The following PPP2R2B variants were observed in gnomAD, a reference collection of about 807,000 sequenced individuals.
PPP2R2B encodes protein phosphatase 2 regulatory subunit Bbeta, also known as serine/threonine-protein phosphatase 2A 55 kDa regulatory subunit B beta isoform.
A neutral mutation model predicts 46.0 loss-of-function variants in PPP2R2B; 5 were observed. That is an observed-to-expected ratio of 0.11 (90% CI 0.06 to 0.23). PPP2R2B has a LOEUF of 0.23. Ranked by LOEUF, PPP2R2B falls within the 10% of genes least tolerant of loss-of-function variation. The pLI, the probability that PPP2R2B is intolerant of heterozygous loss-of-function variation, is 1.00. For synonymous variants in PPP2R2B, 215 were observed against 206.7 expected (o/e 1.04, Z -0.34); for missense variants, 367 against 575.0 (o/e 0.64, Z 3.70).
At chr5:147,037,089 C>T (rs1471850003) in intron 1 of PPP2R2B, among the ~76,000 whole-genome samples, 2 of 152,036 alleles carry the variant, frequency 1.3e-5, no homozygotes, top group Non-Finnish European at 2.9e-5. Flanking sequence ...GCACAGGGAA[C>T]CCAGGCAGTC....
At chr5:146,799,287 CAGAA>C (rs1756721749) in intron 2 of PPP2R2B, among the ~76,000 whole-genome samples, 1 of 152,150 alleles carries the variant, frequency 6.6e-6, no homozygotes, top group Middle Eastern at 3.2e-3. Flanking sequence ...AACAGAAAGA[CAGAA>C]AGAGAATGAA....
intron 7 of PPP2R2B, among the ~76,000 whole-genome samples, chr5:146,601,111 A>G (rs926234877): frequency 5.3e-5 from 8 of 152,330 alleles, no homozygotes; most frequent in Non-Finnish European, 7.4e-5. Flanking sequence ...CGTAGCATGT[A>G]TCAGGTCTTC....
chr5:146,734,053 T>A (rs1752392636), intron 2 of PPP2R2B, among the ~76,000 whole-genome samples: 1 of 139,596 alleles, frequency 7.2e-6, no homozygotes, highest in Non-Finnish European at 1.5e-5. Context: ...TAAAATGAGT[T>A]AGGTTTTTTT....
chr5:146,943,406 C>T (rs1175771879), intron 1 of PPP2R2B, among the ~76,000 whole-genome samples: 2 of 152,148 alleles, frequency 1.3e-5, no homozygotes, highest in Non-Finnish European at 2.9e-5. Context: ...ATAAGCAGTA[C>T]TTTTAGCTTC....
intron 1 of PPP2R2B, among the ~76,000 whole-genome samples, chr5:147,000,707 A>G (rs1260220264): frequency 6.6e-6 from 1 of 151,524 alleles, no homozygotes; most frequent in East Asian, 2.0e-4. Flanking sequence ...CACCAACCTA[A>G]TACTTACTGA....
chr5:146,834,583 G>C (rs1298990937), intron 2 of PPP2R2B, among the ~76,000 whole-genome samples: 1 of 152,188 alleles, frequency 6.6e-6, no homozygotes. Context: ...CATATGAAAA[G>C]TCATACATCT....
At chr5:146,604,393 G>C (rs1581694426) in intron 7 of PPP2R2B, among the ~76,000 whole-genome samples, 2 of 152,176 alleles carry the variant, frequency 1.3e-5, no homozygotes, top group East Asian at 3.9e-4. Context: ...CCCTTGGCTT[G>C]GCATGACAGT....
intron 3 of PPP2R2B, among the ~76,000 whole-genome samples, chr5:146,700,563 G>T (rs531000463): frequency 6.6e-6 from 1 of 152,090 alleles, no homozygotes; most frequent in Non-Finnish European, 1.5e-5. Context: ...TTACTCAGAC[G>T]CTAGTTTGTG....
intron 1 of PPP2R2B, among the ~76,000 whole-genome samples, chr5:146,970,978 T>C (rs372171957): frequency 5.9e-5 from 9 of 152,214 alleles, no homozygotes; most frequent in Admixed American, 2.6e-4. Flanking sequence ...GATCTATGCA[T>C]AGAAAAACAG....
At chr5:147,045,642 T>C (rs1756510064) in intron 1 of PPP2R2B, among the ~76,000 whole-genome samples, 2 of 152,140 alleles carry the variant, frequency 1.3e-5, no homozygotes, top group Admixed American at 1.3e-4. Context: ...GCCGCAAATA[T>C]GATATATATA....
At chr5:146,739,170 C>T (rs940347215) in intron 2 of PPP2R2B, among the ~76,000 whole-genome samples, 1 of 152,102 alleles carries the variant, frequency 6.6e-6, no homozygotes, top group South Asian at 2.1e-4. Flanking sequence ...TACAGGTATA[C>T]ACCACTGCAC....
At chr5:146,667,625 A>C (rs532779367) in intron 5 of PPP2R2B, among the ~76,000 whole-genome samples, 4 of 152,210 alleles carry the variant, frequency 2.6e-5, no homozygotes, top group African/African-American at 9.6e-5. Flanking sequence ...ATTACAGATC[A>C]TCGAGACTGA....
intron 2 of PPP2R2B, among the ~76,000 whole-genome samples, chr5:146,764,857 C>T (rs1386740411): frequency 1.3e-5 from 2 of 152,112 alleles, no homozygotes; most frequent in Non-Finnish European, 2.9e-5. Flanking sequence ...CACACGCACA[C>T]GTACTCTGCC....
chr5:146,872,983 A>C (rs1257417898), intron 2 of PPP2R2B, among the ~76,000 whole-genome samples: 3 of 152,136 alleles, frequency 2.0e-5, no homozygotes, highest in Admixed American at 2.0e-4. Context: ...TTTAATCTCA[A>C]ATTTATTATC....
chr5:147,042,671 C>T (rs550130254), intron 1 of PPP2R2B, among the ~76,000 whole-genome samples: 5 of 152,152 alleles, frequency 3.3e-5, no homozygotes, highest in Non-Finnish European at 5.9e-5. Flanking sequence ...CCTGTTCTCA[C>T]GGAGCCAGCA....
At chr5:146,949,520 T>C (rs1764587790) in intron 1 of PPP2R2B, among the ~76,000 whole-genome samples, 1 of 152,030 alleles carries the variant, frequency 6.6e-6, no homozygotes, top group South Asian at 2.1e-4. Context: ...CAATAACAAA[T>C]GCCACTGAGG....
chr5:146,625,955 G>A (rs572200725), intron 7 of PPP2R2B, among the ~76,000 whole-genome samples: 1 of 152,130 alleles, frequency 6.6e-6, no homozygotes, highest in African/African-American at 2.4e-5. Context: ...TGGAAGAAGG[G>A]GCCATTAGCC....
intron 1 of PPP2R2B, among the ~76,000 whole-genome samples, chr5:146,944,346 T>A (rs1362192960): frequency 6.6e-6 from 1 of 152,138 alleles, no homozygotes. Context: ...AAGCTTTAGA[T>A]CAGAGAGAGA....
At chr5:146,622,837 T>C (rs1460928283) in intron 7 of PPP2R2B, among the ~76,000 whole-genome samples, 11 of 152,236 alleles carry the variant, frequency 7.2e-5, no homozygotes, top group Admixed American at 7.2e-4. Context: ...AAGTAGCTTA[T>C]ATATAACTCA....
Sources: allele counts gnomAD v4.1 joint callset (sites outside exome capture counted in the v4.1 genomes callset), GRCh38; gene constraint gnomAD v4.1.1; transcripts MANE v1.5; gene names NCBI Gene and HGNC (gene_info 2026-07-23, HGNC 2026-07-21).